LINGO2: variants seen among roughly 807,000 people sequenced by gnomAD.
LINGO2 encodes the protein leucine rich repeat and Ig domain containing 2, also known as leucine-rich repeat and immunoglobulin-like domain-containing nogo receptor-interacting protein 2.
Under a neutral mutation model 30.6 loss-of-function variants are expected in LINGO2, and 14 were observed. The observed-to-expected ratio is 0.46, with a 90% confidence interval of 0.30 to 0.72. LINGO2 has a LOEUF of 0.72. Ranked by LOEUF, LINGO2 falls within the 30% of genes least tolerant of loss-of-function variation. The pLI is 0.07. For synonymous variants in LINGO2, 317 were observed against 288.5 expected (o/e 1.10, Z -1.00); for missense variants, 729 against 751.7 (o/e 0.97, Z 0.35).
chr9:28,370,943 CTTTTA>C (rs1820871595), intron 3 of LINGO2, among the ~76,000 whole-genome samples: 2 of 152,090 alleles, frequency 1.3e-5, no homozygotes, highest in South Asian at 4.1e-4. Context: ...CTGGGCTTCC[CTTTTA>C]TAAGAAGGGC....
chr9:28,779,745 T>C, the LINGO2 span, among the ~76,000 whole-genome samples: 1 of 152,162 alleles, frequency 6.6e-6, no homozygotes, highest in Non-Finnish European at 1.5e-5. Context: ...ATTTTTCTAA[T>C]GTACATGTTA....
chr9:28,055,940 A>G lies in LINGO2; in HGVS notation c.-86-43535T>C, dbSNP rs114284817. Among the ~76,000 whole-genome samples, 697 of 152,312 alleles carry G rather than the reference A, an allele frequency of 4.6e-3. 8 individuals are homozygous for G. The highest frequency in any genetic ancestry group is 0.016 in the African/African-American group (653 of 41,586). On this transcript the variant is annotated intron_variant, in intron 4 of 5. Coordinates refer to ENST00000379992, the Ensembl canonical transcript of LINGO2. ...CGAGACCCTCACTAAGACAGTTACT[A>G]CTTGAATCTATCATTACAACAGTTA...
chr9:28,269,383 C>T (rs1210219241), intron 4 of LINGO2, among the ~76,000 whole-genome samples: 5 of 152,008 alleles, frequency 3.3e-5, no homozygotes, highest in Admixed American at 3.3e-4. Flanking sequence ...AGTTTTCTGT[C>T]TATATAAATT....
chr9:28,888,491 C>G, the LINGO2 span, among the ~76,000 whole-genome samples: 10 of 151,940 alleles, frequency 6.6e-5, no homozygotes, highest in Non-Finnish European at 1.2e-4. Flanking sequence ...TAGATACAAC[C>G]AAGAAAAAAA....
chr9:27,970,019 A>C (rs944062408), intron 5 of LINGO2, among the ~76,000 whole-genome samples: 2 of 152,330 alleles, frequency 1.3e-5, no homozygotes, highest in Non-Finnish European at 2.9e-5. Context: ...TCAAGGCCTC[A>C]TAATGTTGTA....
At chr9:28,929,745 C>T in the LINGO2 span, among the ~76,000 whole-genome samples, 3 of 152,164 alleles carry the variant, frequency 2.0e-5, no homozygotes, top group East Asian at 5.8e-4. Context: ...CAATGGTCTA[C>T]GTTAATATTT....
chr9:29,185,649 GA>G, the LINGO2 span, among the ~76,000 whole-genome samples: 1 of 152,048 alleles, frequency 6.6e-6, no homozygotes, highest in Non-Finnish European at 1.5e-5. Context: ...TTAGACAATG[GA>G]ATTTAGACAA....
At chr9:29,211,865 T>C in the LINGO2 span, among the ~76,000 whole-genome samples, 34 of 152,164 alleles carry the variant, frequency 2.2e-4, no homozygotes, top group Non-Finnish European at 1.3e-4. Flanking sequence ...CGCAAAAAAC[T>C]TCCCTTAAAG....
At chr9:28,885,021 T>C in the LINGO2 span, among the ~76,000 whole-genome samples, 15 of 101,686 alleles carry the variant, frequency 1.5e-4, 2 homozygotes, top group Admixed American at 3.3e-4. Context: ...TATATATATA[T>C]ATGGCTAAAG....
chr9:29,189,293 G>GA, the LINGO2 span, among the ~76,000 whole-genome samples: 2 of 151,686 alleles, frequency 1.3e-5, no homozygotes, highest in African/African-American at 4.8e-5. Flanking sequence ...CTCCCTCCCG[G>GA]ACGGGGTGGC....
the LINGO2 span, among the ~76,000 whole-genome samples, chr9:29,137,114 G>A: frequency 2.0e-5 from 3 of 152,042 alleles, no homozygotes; most frequent in Non-Finnish European, 4.4e-5. Flanking sequence ...TCTGAATCTT[G>A]TCCTGAGTAT....
At position 28,121,694 on chromosome 9, in the gene LINGO2, A is replaced by T. The variant is rs539662900; in HGVS notation, c.-86-109289T>A. ...ACATTCCTCAGAGAAATACCCAAAG[A>T]TTTATGAACTATAACTTTGGAAAGA... On this transcript the variant is annotated intron_variant, in intron 4 of 5. Coordinates refer to ENST00000379992, the Ensembl canonical transcript of LINGO2. Among the ~76,000 whole-genome samples the T allele has an allele frequency of 2.6e-5, 4 of 152,322 alleles. No individual in the cohort carries two copies. The South Asian group carries it at 8.3e-4, about 32-fold the overall frequency.
chr9:28,773,263 G>C, the LINGO2 span, among the ~76,000 whole-genome samples: 1 of 151,710 alleles, frequency 6.6e-6, no homozygotes, highest in South Asian at 2.1e-4. Context: ...TACTCAGGAG[G>C]CTGAGGCAGG....
chr9:28,466,778 T>C (rs547826663), intron 2 of LINGO2, among the ~76,000 whole-genome samples: 17 of 152,322 alleles, frequency 1.1e-4, no homozygotes, highest in African/African-American at 2.4e-4. Context: ...TCCATTTCAC[T>C]AAAAGTGTGA....
chr9:28,378,239 T>A (rs906596289), intron 2 of LINGO2, among the ~76,000 whole-genome samples: 4 of 152,180 alleles, frequency 2.6e-5, no homozygotes, highest in Admixed American at 2.6e-4. Flanking sequence ...CAGAAAATAG[T>A]TGCTACATAT....
chr9:28,294,609 T>C (rs533619162), intron 4 of LINGO2, among the ~76,000 whole-genome samples: 3 of 152,184 alleles, frequency 2.0e-5, no homozygotes, highest in Non-Finnish European at 4.4e-5. Flanking sequence ...CAGCATGTAA[T>C]AGAAAAAGGA....
intron 4 of LINGO2, among the ~76,000 whole-genome samples, chr9:28,083,721 G>C (rs1265887312): frequency 6.6e-6 from 1 of 152,050 alleles, no homozygotes; most frequent in Non-Finnish European, 1.5e-5. Flanking sequence ...CCACATTAAG[G>C]GCATACATAT....
intron 4 of LINGO2, among the ~76,000 whole-genome samples, chr9:28,199,584 T>C (rs1377564130): frequency 6.6e-6 from 1 of 152,064 alleles, no homozygotes; most frequent in African/African-American, 2.4e-5. Flanking sequence ...GTGATCCGCC[T>C]GCCTCGGCCC....
chr9:28,735,780 A>T, the LINGO2 span, among the ~76,000 whole-genome samples: 1,325 of 152,300 alleles, frequency 8.7e-3, 18 homozygotes, highest in African/African-American at 0.028. Context: ...TTAAAAAAAA[A>T]AATACTTGTC....
Sources: allele counts gnomAD v4.1 joint callset (sites outside exome capture counted in the v4.1 genomes callset), GRCh38; gene constraint gnomAD v4.1.1; transcripts MANE v1.5; gene names NCBI Gene and HGNC (gene_info 2026-07-23, HGNC 2026-07-21).